Variants in CRYM observed in about 807,000 individuals in gnomAD.
CRYM encodes the protein crystallin mu, also known as ketimine reductase mu-crystallin.
A neutral mutation model predicts 32.9 loss-of-function variants in CRYM; 18 were observed. That is an observed-to-expected ratio of 0.55 (90% CI 0.38 to 0.81). CRYM has a LOEUF of 0.81. Among genes scored for constraint, CRYM ranks in the 30% least tolerant of loss-of-function variants. The pLI, the probability that CRYM is intolerant of heterozygous loss-of-function variation, is 0.00. For missense variants in CRYM, 337 were observed against 393.5 expected (o/e 0.86, Z 1.21); for synonymous variants, 153 against 152.4 (o/e 1.00, Z -0.03).
intron 1 of CRYM, among the ~76,000 whole-genome samples, chr16:21,294,310 G>A (rs769868331): frequency 6.6e-6 from 1 of 152,078 alleles, no homozygotes; most frequent in Non-Finnish European, 1.5e-5. Flanking sequence ...TGGAGGGTGC[G>A]GAGCAGAATT....
chr16:21,276,730 G>A (rs551423088), intron 2 of CRYM, among the ~76,000 whole-genome samples: 23 of 152,176 alleles, frequency 1.5e-4, no homozygotes, highest in Non-Finnish European at 3.1e-4. Context: ...GGTCTTAGAA[G>A]AGTCTGGACC....
chr16:21,301,693 G>A (rs766248090), intron 1 of CRYM, among the ~76,000 whole-genome samples: 2 of 152,194 alleles, frequency 1.3e-5, no homozygotes, highest in Non-Finnish European at 1.5e-5. Context: ...CCGCACCGCT[G>A]ACTCCTACCG....
chr16:21,272,352 T>C (rs1294034526), intron 3 of CRYM, among the ~76,000 whole-genome samples: 1 of 152,194 alleles, frequency 6.6e-6, no homozygotes, highest in Non-Finnish European at 1.5e-5. Context: ...TCTCTAAAGC[T>C]GTCTCTCATA....
At chr16:21,283,709 C>G (rs1161674839) in intron 1 of CRYM, 1 of 151,910 alleles carries the variant, frequency 6.6e-6, no homozygotes, top group Non-Finnish European at 1.5e-5. Context: ...GGCTCCTCCG[C>G]GCGCCCCCGG....
chr16:21,297,787 T>C (rs190970496), intron 1 of CRYM, among the ~76,000 whole-genome samples: 8 of 152,286 alleles, frequency 5.3e-5, no homozygotes, highest in African/African-American at 1.9e-4. Context: ...ATATTGGTCC[T>C]CTCAGTAAAC....
chr16:21,289,319 A>T (rs551678043), intron 1 of CRYM, among the ~76,000 whole-genome samples: 1 of 152,352 alleles, frequency 6.6e-6, no homozygotes, highest in East Asian at 1.9e-4. Context: ...ATTTAATAGT[A>T]TATAATGTCC....
chr16:21,278,411 C>CA, upstream of CRYM: 1 of 852,952 alleles, frequency 1.2e-6, no homozygotes, highest in South Asian at 1.5e-5. Flanking sequence ...CAGCCCTCTC[C>CA]TCCCCCTTCG....
At chr16:21,269,673 C>G (rs2093370954) in intron 4 of CRYM, 117 bp downstream of exon 4, 1 of 717,888 alleles carries the variant, frequency 1.4e-6, no homozygotes, top group Admixed American at 2.1e-5. Context: ...CAAGAATGGT[C>G]TAGATGGGGC....
rs1427951892 is a variant in CRYM, at chr16:21,296,806, C to T, written c.-193+6172G>A. Among the ~76,000 whole-genome samples the T allele has an allele frequency of 4.7e-5, 7 of 150,518 alleles. No individual in the cohort carries two copies. The East Asian group carries it at 1.4e-3, about 30-fold the overall frequency. ...CGGGCGGATCATGAGGTCAGGAGAT[C>T]GAGACCATCCTGGCTAACACGGTGA... On this transcript the variant is annotated intron_variant, in intron 1 of 9. Coordinates refer to the CRYM transcript ENST00000219599.
intron 1 of CRYM, among the ~76,000 whole-genome samples, chr16:21,293,394 G>A (rs1275072827): frequency 6.6e-6 from 1 of 152,140 alleles, no homozygotes; most frequent in Non-Finnish European, 1.5e-5. Flanking sequence ...GAGCAGGTGA[G>A]GATTCTGCAG....
intron 1 of CRYM, among the ~76,000 whole-genome samples, chr16:21,302,772 T>C (rs1960984868): frequency 6.6e-6 from 1 of 152,206 alleles, no homozygotes; most frequent in Non-Finnish European, 1.5e-5. Flanking sequence ...AAGGAATGGC[T>C]CCCAGGTCCT....
chr16:21,302,002 C>T (rs561749322), intron 1 of CRYM, among the ~76,000 whole-genome samples: 3 of 152,328 alleles, frequency 2.0e-5, no homozygotes, highest in African/African-American at 7.2e-5. Flanking sequence ...CGCGCAGAGC[C>T]CAAAAGGGCG....
intron 1 of CRYM, among the ~76,000 whole-genome samples, chr16:21,286,152 A>T (rs2093406768): frequency 6.6e-6 from 1 of 152,210 alleles, no homozygotes; most frequent in East Asian, 1.9e-4. Context: ...CCACTTTTTG[A>T]GAAGAATCAA....
At chr16:21,290,896 G>A (rs1008362949) in intron 1 of CRYM, among the ~76,000 whole-genome samples, 2 of 152,096 alleles carry the variant, frequency 1.3e-5, no homozygotes, top group African/African-American at 2.4e-5. Flanking sequence ...AACGGTATGA[G>A]AAATAATCAG....
intron 4 of CRYM, among the ~76,000 whole-genome samples, chr16:21,268,042 T>C (rs906139146): frequency 1.3e-5 from 2 of 152,222 alleles, no homozygotes; most frequent in African/African-American, 4.8e-5. Flanking sequence ...TATTATATAT[T>C]AATAGCATAA....
rs141242361 is a variant in CRYM, at chr16:21,302,100, CAATCA to C, written c.-193+873_-193+877del. ...ACACACACCCACACACACATACACA[CAATCA>C]AATCAAATAGAAGCACTGTTAGGAA... On this transcript the variant is annotated intron_variant, in intron 1 of 9. Transcript: ENST00000219599. 1.1e-3 allele frequency among the ~76,000 whole-genome samples: 162 copies of C among 152,352 alleles called. 1 individual carries two copies. In the East Asian group the frequency reaches 0.029, roughly 27 times the overall value.
chr16:21,282,630 T>C (rs2093400174), upstream of CRYM, among the ~76,000 whole-genome samples: 2 of 152,210 alleles, frequency 1.3e-5, no homozygotes, highest in South Asian at 2.1e-4. Context: ...ATGATTATAA[T>C]AGTAATTTCA....
chr16:21,282,060 G>C (rs1298909756), upstream of CRYM, among the ~76,000 whole-genome samples: 1 of 152,230 alleles, frequency 6.6e-6, no homozygotes, highest in Non-Finnish European at 1.5e-5. Context: ...GAGGGACCCA[G>C]TGGGAGATGA....
At chr16:21,292,434 T>C (rs148416125) in intron 1 of CRYM, among the ~76,000 whole-genome samples, 1 of 152,102 alleles carries the variant, frequency 6.6e-6, no homozygotes, top group Non-Finnish European at 1.5e-5. Flanking sequence ...CTTGAGATAA[T>C]GGAGAAATAT....
Sources: allele counts gnomAD v4.1 joint callset (sites outside exome capture counted in the v4.1 genomes callset), GRCh38; gene constraint gnomAD v4.1.1; transcripts MANE v1.5; gene names NCBI Gene and HGNC (gene_info 2026-07-23, HGNC 2026-07-21).